Variants in GRHL2 observed in about 807,000 individuals in gnomAD.
GRHL2 encodes the protein grainyhead like transcription factor 2, also known as grainyhead-like protein 2 homolog.
GRHL2 carries 21 observed loss-of-function variants against 83.8 expected under a neutral mutation model. The ratio of observed to expected loss-of-function variants is 0.25; its 90% confidence interval spans 0.18 to 0.36. The LOEUF (loss-of-function observed/expected upper bound fraction) is 0.36. Ranked by LOEUF, GRHL2 falls within the 10% of genes least tolerant of loss-of-function variation. The pLI, the probability that GRHL2 is intolerant of heterozygous loss-of-function variation, is 1.00. For missense variants in GRHL2, 623 were observed against 781.8 expected, an observed-to-expected ratio of 0.80 and a Z score of 2.42; for synonymous variants, 280 against 278.9, an observed-to-expected ratio of 1.00 and a Z score of -0.04.
rs989786884 is a variant in GRHL2, at chr8:101,492,652, A to G, written c.-118A>G. The G allele has an allele frequency of 3.6e-6, 3 of 833,840 alleles. No homozygotes were observed. Among genetic ancestry groups the G allele is most frequent in the African/African-American group, 1.7e-5 (1 of 60,112 alleles). 51.7% of individuals were successfully genotyped at this position (833,840 alleles called of 1,614,324 possible). A position where few individuals can be genotyped will look rare whatever the true frequency, so the allele number is the denominator to read the frequency against. On this transcript the variant is annotated 5_prime_UTR_variant, in exon 1 of 16. Transcript: ENST00000646743. ...GGGACGGAAAAGCAGAATTACCTGT[A>G]GCTCTTGTTCTGCCATCTCGGGCGC...
chr8:101,584,803 T>C (rs1812128799), intron 7 of GRHL2, among the ~76,000 whole-genome samples: 1 of 151,094 alleles, frequency 6.6e-6, no homozygotes, highest in African/African-American at 2.4e-5. Flanking sequence ...GGCTAGGTGG[T>C]CAGGTGGCTA....
intron 1 of GRHL2, among the ~76,000 whole-genome samples, chr8:101,527,442 C>T (rs1254676818): frequency 6.6e-6 from 1 of 152,148 alleles, no homozygotes; most frequent in Non-Finnish European, 1.5e-5. Context: ...CTCAAGCAAT[C>T]CTCCCACCTT....
At chr8:101,563,581 C>T (rs1811652160) in intron 4 of GRHL2, among the ~76,000 whole-genome samples, 1 of 152,150 alleles carries the variant, frequency 6.6e-6, no homozygotes. Flanking sequence ...CCTTAAGAGG[C>T]TGTCATATTT....
chr8:101,581,663 A>G (rs1395218378), intron 7 of GRHL2, among the ~76,000 whole-genome samples: 2 of 152,236 alleles, frequency 1.3e-5, no homozygotes, highest in Non-Finnish European at 2.9e-5. Flanking sequence ...TCGTTCTGCA[A>G]AAGTTTACTG....
At chr8:101,623,983 A>G (rs1170635212) in intron 9 of GRHL2, among the ~76,000 whole-genome samples, 1 of 149,730 alleles carries the variant, frequency 6.7e-6, no homozygotes, top group African/African-American at 2.5e-5. Context: ...TACACAGGAC[A>G]GTTCACAGTA....
chr8:101,549,142 G>A (rs537302657), intron 2 of GRHL2, among the ~76,000 whole-genome samples: 1 of 152,110 alleles, frequency 6.6e-6, no homozygotes, highest in East Asian at 1.9e-4. Flanking sequence ...TGGTAGTGTG[G>A]GGGTAGGAGG....
intron 1 of GRHL2, among the ~76,000 whole-genome samples, chr8:101,499,433 C>T (rs1158725208): frequency 6.6e-6 from 1 of 150,786 alleles, no homozygotes; most frequent in Non-Finnish European, 1.5e-5. Context: ...CCTAATGTCA[C>T]TTTCCTGGTT....
At chr8:101,673,314 G>A (rs1009512360), downstream of GRHL2, among the ~76,000 whole-genome samples, 121 of 152,052 alleles carry the variant, frequency 8.0e-4, 1 homozygote, top group African/African-American at 2.5e-3. Context: ...CCCATCTCAC[G>A]TGCAGAGACA....
chr8:101,603,987 C>G (rs1812571693), intron 8 of GRHL2, among the ~76,000 whole-genome samples: 1 of 115,552 alleles, frequency 8.7e-6, no homozygotes, highest in East Asian at 2.4e-4. Flanking sequence ...GGGTAGCCAG[C>G]TTTTTACTTC....
chr8:101,640,805 A>C lies in GRHL2; in HGVS notation c.1518-3326A>C, dbSNP rs1482296061. 2.0e-5 allele frequency among the ~76,000 whole-genome samples: 3 copies of C among 152,188 alleles called. No homozygotes were observed. In the East Asian group the frequency reaches 5.8e-4, roughly 29 times the overall value. On this transcript the variant is annotated intron_variant, in intron 12 of 15. Coordinates refer to ENST00000646743, the MANE Select transcript of GRHL2 (RefSeq NM_024915.4). ...GTTCAGAGGTCAGTGGTTTCTCTTC[A>C]AGATCTTACCATTTCCAGGCTGCTT...
In GRHL2 at chr8:101,652,387, GT is replaced by G. The variant is rs1586172929; in HGVS notation, c.1698+2889del. 5.6e-3 allele frequency among the ~76,000 whole-genome samples: 322 copies of G among 57,846 alleles called. 25 individuals carry two copies. The highest frequency in any genetic ancestry group is 0.025 in the African/African-American group (233 of 9,250). 37.9% of individuals were successfully genotyped at this position (57,846 alleles called of 152,430 possible). ...TGTGTGTGTCTGATGTGTGTGTGGT[GT>G]GTGTGTGTGTCTGGTGTGTGTGTGG... On this transcript the variant is annotated intron_variant, in intron 14 of 15. Coordinates refer to ENST00000646743, the MANE Select transcript of GRHL2 (RefSeq NM_024915.4).
chr8:101,670,410 T>G (rs1814186088), downstream of GRHL2, among the ~76,000 whole-genome samples: 1 of 152,224 alleles, frequency 6.6e-6, no homozygotes. Flanking sequence ...TAAACATCAT[T>G]TGCCTTCAGG....
intron 15 of GRHL2, 49 bp from the exon 16 acceptor site, chr8:101,666,540 A>G (rs1384264105): frequency 4.5e-6 from 5 of 1,112,716 alleles, no homozygotes; most frequent in Non-Finnish European, 6.9e-6. Context: ...CCCTGGGCAC[A>G]TTGTTCACGG....
chr8:101,670,235 G>C (rs1248519459), downstream of GRHL2, among the ~76,000 whole-genome samples: 3 of 152,126 alleles, frequency 2.0e-5, no homozygotes, highest in Admixed American at 1.3e-4. Context: ...TATCTGCTGG[G>C]GTTTCCTTGG....
chr8:101,558,855 G>A (rs781023488), intron 4 of GRHL2, 43 bp downstream of exon 4: 2 of 1,602,352 alleles, frequency 1.2e-6, no homozygotes, highest in Non-Finnish European at 1.7e-6. Context: ...CAAACCCAGA[G>A]CCCCTAGCTA....
chr8:101,499,674 GA>G (rs1456101056), intron 1 of GRHL2, among the ~76,000 whole-genome samples: 1 of 152,168 alleles, frequency 6.6e-6, no homozygotes, highest in Non-Finnish European at 1.5e-5. Flanking sequence ...TTTAGTATAA[GA>G]AAAGCCTTAC....
At chr8:101,650,692 G>C (rs184828246) in intron 14 of GRHL2, among the ~76,000 whole-genome samples, 5 of 151,944 alleles carry the variant, frequency 3.3e-5, no homozygotes, top group African/African-American at 4.8e-5. Flanking sequence ...GTTTTCTTTG[G>C]GGGGGATGAA....
At chr8:101,509,156 T>TA in intron 1 of GRHL2, among the ~76,000 whole-genome samples, 1 of 99,886 alleles carries the variant, frequency 1.0e-5, no homozygotes, top group South Asian at 4.0e-4. Flanking sequence ...CTTCCTTCCT[T>TA]CCTTTCTTTC....
Position 101,492,551 on chromosome 8 carries a change from G to C in GRHL2, c.-219G>C. On this transcript the variant is annotated 5_prime_UTR_variant, in exon 1 of 16. An upstream start codon of the reference 5' UTR is lost. Coordinates refer to ENST00000646743, the MANE Select transcript of GRHL2 (RefSeq NM_024915.4). ...GGCCGCCTCCGAGCTCGGGCCCCATGTGAGGGGCCCCCCCTTATCCCACCT... is the reference window on the plus strand; with the variant it reads ...GGCCGCCTCCGAGCTCGGGCCCCATCTGAGGGGCCCCCCCTTATCCCACCT... 1 of 640,112 alleles carries C rather than the reference G, an allele frequency of 1.6e-6. No homozygotes were observed. The highest frequency in any genetic ancestry group is 1.8e-5 in the South Asian group (1 of 54,266). The allele number at this position is 640,112 out of a possible 1,614,324, so 39.7% of individuals were successfully genotyped here.
Sources: allele counts gnomAD v4.1 joint callset (sites outside exome capture counted in the v4.1 genomes callset), GRCh38; gene constraint gnomAD v4.1.1; transcripts MANE v1.5; gene names NCBI Gene and HGNC (gene_info 2026-07-23, HGNC 2026-07-21).